ARHGEF18: variants seen among roughly 807,000 people sequenced by gnomAD.
ARHGEF18 encodes the protein Rho/Rac guanine nucleotide exchange factor 18.
In ARHGEF18, 93 loss-of-function variants were observed where a neutral mutation model predicts 155.7. That is an observed-to-expected ratio of 0.60 (90% confidence interval 0.50 to 0.71). ARHGEF18 has a LOEUF of 0.71. ARHGEF18 is among the 30% of genes least tolerant of loss of function. The pLI, the probability that ARHGEF18 is intolerant of heterozygous loss-of-function variation, is 0.00. For synonymous variants in ARHGEF18, 742 were observed against 753.1 expected (o/e 0.99, Z 0.24); for missense variants, 1,593 against 1,816.1 (o/e 0.88, Z 2.23).
chr19:7,407,960 TCAAAAAA>T (rs1972431128), intron 10 of ARHGEF18, among the ~76,000 whole-genome samples: 1 of 37,010 alleles, frequency 2.7e-5, no homozygotes, highest in East Asian at 8.8e-4. Context: ...AGACTCCGTC[TCAAAAAA>T]AAAAAAAAAA....
In ARHGEF18 at chr19:7,459,950, G is replaced by A. The variant is rs1308861245; in HGVS notation, c.2408G>A (p.Arg803Lys). The change falls in exon 20 of 29, where the codon AGG becomes AAG. Residue 803 changes from arginine (R) to lysine (K), a missense_variant. Coordinates refer to ENST00000668164, the MANE Select transcript of ARHGEF18 (RefSeq NM_001367823.1). ...EGPFSLPEEERKVVEARATRL... is the reference protein window; with the variant it reads ...EGPFSLPEEEKKVVEARATRL... Reference sequence around the variant, plus strand: ...CCCTTCAGCCTGCCCGAAGAGGAAAGGAAGGTGGTCGAGGCCCGCGCCACG... The same window carrying A: ...CCCTTCAGCCTGCCCGAAGAGGAAAAGAAGGTGGTCGAGGCCCGCGCCACG... 6.3e-7 allele frequency: 1 copy of A among 1,592,298 alleles called. No individual in the cohort carries two copies. Among genetic ancestry groups the A allele is most frequent in the Non-Finnish European group, 8.6e-7 (1 of 1,169,422 alleles).
chr19:7,473,510 AT>A (rs1051851077), downstream of ARHGEF18: 6 of 343,756 alleles, frequency 1.7e-5, no homozygotes, highest in Admixed American at 7.6e-5. Context: ...TCACAGAAAA[AT>A]TAAAAAATTA....
chr19:7,440,001 A>G lies in ARHGEF18; in HGVS notation c.968-343A>G. The G allele has an allele frequency of 6.5e-7, 1 of 1,550,002 alleles. No individual in the cohort carries two copies. The highest frequency in any genetic ancestry group is 1.8e-4 in the Middle Eastern group (1 of 5,572). On this transcript the variant is annotated intron_variant, in intron 10 of 28. Transcript: ENST00000668164. The surrounding 1 kb of genome is among the most constrained non-coding windows in gnomAD (Gnocchi z 5.4). ...ACCCGCTGCTTCAGCCAATACAGCA[A>G]GGGAAGACGCAGCTCTGTTTTCTAG...
chr19:7,412,096 C>T (rs982754286), intron 10 of ARHGEF18, among the ~76,000 whole-genome samples: 1 of 150,392 alleles, frequency 6.6e-6, no homozygotes, highest in Non-Finnish European at 1.5e-5. Context: ...AGTGCAGTGG[C>T]GTGATCTTGG....
intron 27 of ARHGEF18, among the ~76,000 whole-genome samples, chr19:7,469,650 C>G (rs1351671358): frequency 6.6e-6 from 1 of 152,190 alleles, no homozygotes; most frequent in Non-Finnish European, 1.5e-5. Flanking sequence ...TCACTAGGGC[C>G]TGTGCTATTT....
At chr19:7,378,181 A>G (rs577131232) in intron 5 of ARHGEF18, among the ~76,000 whole-genome samples, 22 of 152,250 alleles carry the variant, frequency 1.4e-4, no homozygotes, top group African/African-American at 5.3e-4. Flanking sequence ...AGCACTTAGT[A>G]GGTTGTAAGC....
At chr19:7,431,779 G>C (rs536995699) in intron 10 of ARHGEF18, among the ~76,000 whole-genome samples, 2 of 152,172 alleles carry the variant, frequency 1.3e-5, no homozygotes, top group African/African-American at 4.8e-5. Flanking sequence ...GCGCCATTGT[G>C]CTCCAGCCTG....
intron 10 of ARHGEF18, chr19:7,439,884 G>GT (rs373807621): frequency 0.022 from 21,372 of 974,600 alleles, 12 homozygotes; most frequent in South Asian, 0.055. Flanking sequence ...TGGAGGGGTT[G>GT]TTTTTTTTTT....
intron 8 of ARHGEF18, among the ~76,000 whole-genome samples, chr19:7,381,279 G>A (rs975342679): frequency 1.3e-5 from 2 of 152,254 alleles, no homozygotes; most frequent in East Asian, 3.9e-4. Flanking sequence ...GAAACTAGAA[G>A]GCTTAGGGAA....
At chr19:7,439,307 AT>A (rs1352060541) in intron 10 of ARHGEF18, among the ~76,000 whole-genome samples, 1 of 150,036 alleles carries the variant, frequency 6.7e-6, no homozygotes, top group Non-Finnish European at 1.5e-5. Flanking sequence ...ACAAGAAAAT[AT>A]TTTTAAATTA....
chr19:7,376,463 G>T (rs942899165), intron 4 of ARHGEF18, among the ~76,000 whole-genome samples, 180 bp from the exon 5 acceptor site: 1 of 152,166 alleles, frequency 6.6e-6, no homozygotes, highest in African/African-American at 2.4e-5. Flanking sequence ...GGCTGGGGAG[G>T]GGGTGGCTGA....
chr19:7,408,293 G>A (rs998224338), intron 10 of ARHGEF18, among the ~76,000 whole-genome samples: 5 of 152,062 alleles, frequency 3.3e-5, no homozygotes, highest in Non-Finnish European at 7.4e-5. Flanking sequence ...AAGAGAAAGA[G>A]CCAGATAATA....
intron 10 of ARHGEF18, among the ~76,000 whole-genome samples, chr19:7,426,329 A>G (rs35086839): frequency 6.6e-6 from 1 of 151,828 alleles, no homozygotes; most frequent in East Asian, 1.9e-4. Flanking sequence ...TCTACTAAAA[A>G]TAGAAAAATT....
intron 18 of ARHGEF18, 114 bp from the exon 19 acceptor site, chr19:7,458,398 G>A: frequency 6.0e-6 from 5 of 835,514 alleles, no homozygotes; most frequent in South Asian, 2.9e-5. Context: ...TGTTTGAAAA[G>A]AAATGAGGAG....
intron 10 of ARHGEF18, among the ~76,000 whole-genome samples, chr19:7,383,780 C>T (rs192935734): frequency 3.0e-5 from 4 of 135,414 alleles, no homozygotes; most frequent in Non-Finnish European, 4.5e-5. Flanking sequence ...CAAATAAGGT[C>T]GCATCCTAAA....
chr19:7,466,854 G>T, intron 23 of ARHGEF18, 64 bp from the exon 24 acceptor site: 1 of 1,114,808 alleles, frequency 9.0e-7, no homozygotes, highest in Non-Finnish European at 1.3e-6. Context: ...AGAAGAAGAA[G>T]GCTTGAGTCT....
chr19:7,402,652 G>A (rs965931239), intron 10 of ARHGEF18, among the ~76,000 whole-genome samples: 1 of 152,156 alleles, frequency 6.6e-6, no homozygotes, highest in African/African-American at 2.4e-5. Context: ...CAGGAAGACT[G>A]GGGGGTAAAG....
intron 2 of ARHGEF18, among the ~76,000 whole-genome samples, chr19:7,372,560 C>A (rs2145401332): frequency 6.6e-6 from 1 of 152,056 alleles, no homozygotes; most frequent in African/African-American, 2.4e-5. Context: ...GGGAATCTGG[C>A]ATGGAAGACC....
rs113388772 is a variant in ARHGEF18 at position 7,463,734 on chromosome 19, C to T, written c.2636-84C>T. 2.2e-3 allele frequency: 3,228 copies of T among 1,449,766 alleles called. 54 individuals carry two copies. In the African/African-American group the frequency reaches 0.041, roughly 18 times the overall value. The allele number at this position is 1,449,766 out of a possible 1,614,324, so 89.8% of individuals were successfully genotyped here. On this transcript the variant is annotated intron_variant, in intron 21 of 28. Coordinates refer to ENST00000668164, the MANE Select transcript of ARHGEF18 (RefSeq NM_001367823.1). The surrounding 1 kb of genome is among the most constrained non-coding windows in gnomAD (Gnocchi z 5.2). ...ACCCCAGTGAGTCCCTCCGTCCACC[C>T]GGGTCTCGCTGCCCCAGCGCTCCGT... is the stretch of plus-strand genomic sequence containing the variant.
Sources: gnomAD v4.1 joint callset for allele counts (sites outside exome capture counted in the v4.1 genomes callset) on GRCh38, gnomAD v4.1.1 for gene constraint, Gnocchi (gnomAD v3.1) non-coding constraint, MANE v1.5 for transcripts, NCBI Gene and HGNC (gene_info 2026-07-23, HGNC 2026-07-21) for gene names.